PBX3: variants seen among roughly 807,000 people sequenced by gnomAD.
The protein encoded by PBX3 is pre-B-cell leukemia transcription factor 3.
In PBX3, 14 loss-of-function variants were observed where a neutral mutation model predicts 48.5. The observed-to-expected ratio is 0.29, with a 90% CI of 0.19 to 0.45. PBX3 has a LOEUF of 0.45. PBX3 is among the 20% of genes least tolerant of loss of function. The probability of loss-of-function intolerance (pLI) is 1.00; values close to 1 mark genes in which losing one functional copy is unlikely to be tolerated. For missense variants in PBX3, 386 were observed against 546.7 expected (o/e 0.71, Z 2.93); for synonymous variants, 210 against 200.3 (o/e 1.05, Z -0.41).
intron 2 of PBX3, among the ~76,000 whole-genome samples, chr9:125,848,411 ATTTTGCC>A (rs1839486114): frequency 6.6e-6 from 1 of 151,992 alleles, no homozygotes; most frequent in South Asian, 2.1e-4. Flanking sequence ...GCATGTCATT[ATTTTGCC>A]TTCCCAGGAG....
rs76246167 is a variant in PBX3 at position 125,854,012 on chromosome 9, A to G, written c.275-61674A>G. 4.6e-3 allele frequency among the ~76,000 whole-genome samples: 702 copies of G among 152,318 alleles called. 8 individuals carry two copies. Among genetic ancestry groups the G allele is most frequent in the African/African-American group, 0.016 (652 of 41,574 alleles). On this transcript the variant is annotated intron_variant, in intron 2 of 8. Coordinates refer to ENST00000373489, the MANE Select transcript of PBX3 (RefSeq NM_006195.6). ...CACACACACACACACATACATATATACAAACACGCAAATACACATACACAT... is the reference window on the plus strand; with the variant it reads ...CACACACACACACACATACATATATGCAAACACGCAAATACACATACACAT...
At chr9:125,912,122 G>A (rs1358866003) in intron 2 of PBX3, among the ~76,000 whole-genome samples, 2 of 152,124 alleles carry the variant, frequency 1.3e-5, no homozygotes, top group African/African-American at 4.8e-5. Context: ...CCTTCATTGT[G>A]TTACAGTGTT....
intron 2 of PBX3, among the ~76,000 whole-genome samples, chr9:125,794,446 G>A (rs557302994): frequency 6.6e-6 from 1 of 152,174 alleles, no homozygotes; most frequent in South Asian, 2.1e-4. Flanking sequence ...CTTGAAGTGA[G>A]GTTGGTGAAT....
At chr9:125,783,159 TC>T (rs1295210840) in intron 2 of PBX3, among the ~76,000 whole-genome samples, 5 of 152,198 alleles carry the variant, frequency 3.3e-5, no homozygotes, top group Non-Finnish European at 7.3e-5. Flanking sequence ...GTCTCTCCTT[TC>T]TTTTTGGGAC....
intron 2 of PBX3, among the ~76,000 whole-genome samples, chr9:125,757,865 T>C (rs1008688075): frequency 5.9e-5 from 9 of 152,224 alleles, no homozygotes; most frequent in African/African-American, 2.2e-4. Context: ...ACAGTGAAGA[T>C]ATTTTTAGAT....
At chr9:125,835,743 A>G (rs1839114784) in intron 2 of PBX3, among the ~76,000 whole-genome samples, 1 of 152,202 alleles carries the variant, frequency 6.6e-6, no homozygotes, top group Non-Finnish European at 1.5e-5. Context: ...AGACAGGGGA[A>G]CGTTCATACA....
chr9:125,865,663 C>CT (rs1483488507), intron 2 of PBX3, among the ~76,000 whole-genome samples: 1 of 152,106 alleles, frequency 6.6e-6, no homozygotes, highest in Non-Finnish European at 1.5e-5. Context: ...TAACATTTCC[C>CT]TTTTCAAAAG....
In PBX3 at chr9:125,966,183, T is replaced by G; in HGVS notation, c.*260T>G. ...CATTGTTGACAGTCCTGTAGCTATTTTATCATAATTTATTATCAATATTTT... is the reference window on the plus strand; with the variant it reads ...CATTGTTGACAGTCCTGTAGCTATTGTATCATAATTTATTATCAATATTTT... On this transcript the variant is annotated 3_prime_UTR_variant, in exon 9 of 9. Transcript: ENST00000373489. The G allele has an allele frequency of 3.5e-6, 1 of 283,668 alleles. No individual in the cohort carries two copies. Among genetic ancestry groups the G allele is most frequent in the East Asian group, 6.6e-5 (1 of 15,146 alleles). 17.6% of individuals were successfully genotyped at this position (283,668 alleles called of 1,614,324 possible).
At chr9:125,817,060 T>G (rs923111867) in intron 2 of PBX3, among the ~76,000 whole-genome samples, 33 of 152,346 alleles carry the variant, frequency 2.2e-4, no homozygotes, top group African/African-American at 7.9e-4. Flanking sequence ...ATTTTTTGCT[T>G]CTTAGTCTTT....
chr9:125,940,375 A>T (rs1199484325), intron 5 of PBX3, among the ~76,000 whole-genome samples: 1 of 152,234 alleles, frequency 6.6e-6, no homozygotes. Flanking sequence ...TCTAAGTAAC[A>T]GAATTTAAAA....
chr9:125,842,308 G>A (rs1187242639), intron 2 of PBX3, among the ~76,000 whole-genome samples: 1 of 152,164 alleles, frequency 6.6e-6, no homozygotes, highest in Non-Finnish European at 1.5e-5. Context: ...GGCCTGCAGA[G>A]ACAGTGAATC....
chr9:125,898,098 T>A (rs535489309), intron 2 of PBX3, among the ~76,000 whole-genome samples: 1 of 151,938 alleles, frequency 6.6e-6, no homozygotes, highest in African/African-American at 2.4e-5. Flanking sequence ...GGTCCCTGCT[T>A]GCCCTTTAGT....
chr9:125,845,989 C>G (rs558630603), intron 2 of PBX3, among the ~76,000 whole-genome samples: 1 of 151,956 alleles, frequency 6.6e-6, no homozygotes, highest in African/African-American at 2.4e-5. Flanking sequence ...AAATGATTCA[C>G]TGAATTAGTT....
chr9:125,783,193 G>A (rs1044895328), intron 2 of PBX3, among the ~76,000 whole-genome samples: 2 of 152,114 alleles, frequency 1.3e-5, no homozygotes, highest in Admixed American at 1.3e-4. Context: ...ATGTTGGTGT[G>A]CATGATGTCC....
chr9:125,901,391 A>G (rs911350467), intron 2 of PBX3, among the ~76,000 whole-genome samples: 2 of 151,878 alleles, frequency 1.3e-5, no homozygotes, highest in African/African-American at 4.8e-5. Flanking sequence ...TAGATAATAT[A>G]TTAGTTGATT....
chr9:125,924,388 C>G (rs1588300940), intron 3 of PBX3, among the ~76,000 whole-genome samples: 1 of 152,176 alleles, frequency 6.6e-6, no homozygotes, highest in East Asian at 1.9e-4. Flanking sequence ...TGACCTCACA[C>G]AGATATGTCA....
At position 125,964,140 on chromosome 9, in the gene PBX3, CT is replaced by C. The variant is rs533984335; in HGVS notation, c.1212+1040del. Among the ~76,000 whole-genome samples, 42 of 152,246 alleles carry C rather than the reference CT, an allele frequency of 2.8e-4. No individual in the cohort carries two copies. The South Asian group carries it at 8.3e-3, about 30-fold the overall frequency. ...TTTACAGACATGAATTCCATCTTCA[CT>C]GATGAGGCTTGATAAGGCGCTGTTG... On this transcript the variant is annotated intron_variant, in intron 8 of 8. Coordinates refer to ENST00000373489, the MANE Select transcript of PBX3 (RefSeq NM_006195.6).
intron 2 of PBX3, among the ~76,000 whole-genome samples, chr9:125,830,681 C>T (rs1194765207): frequency 2.0e-5 from 3 of 152,068 alleles, no homozygotes; most frequent in Non-Finnish European, 4.4e-5. Flanking sequence ...ATGTACTAGA[C>T]ACATTTTGTC....
chr9:125,806,072 G>A (rs1838116142), intron 2 of PBX3, among the ~76,000 whole-genome samples: 1 of 152,214 alleles, frequency 6.6e-6, no homozygotes, highest in Non-Finnish European at 1.5e-5. Context: ...TGTCAGAGAG[G>A]TGGTGTTGAA....
Sources: gnomAD v4.1 joint callset for allele counts (sites outside exome capture counted in the v4.1 genomes callset) on GRCh38, gnomAD v4.1.1 for gene constraint, MANE v1.5 for transcripts, NCBI Gene and HGNC (gene_info 2026-07-23, HGNC 2026-07-21) for gene names.